TANK: variants seen among roughly 807,000 people sequenced by gnomAD.
The protein encoded by TANK is TRAF family member associated NFKB activator, also known as TRAF family member-associated NF-kappa-B activator.
In TANK, 15 loss-of-function variants were observed where a neutral mutation model predicts 43.6. The observed-to-expected ratio is 0.34, with a 90% confidence interval of 0.23 to 0.53. The LOEUF (loss-of-function observed/expected upper bound fraction) is 0.53, where lower values mean the gene tolerates loss of function less well. Among genes scored for constraint, TANK ranks in the 20% least tolerant of loss-of-function variants. TANK has a pLI of 0.94. For synonymous variants in TANK, 162 were observed against 178.2 expected (o/e 0.91, Z 0.73); for missense variants, 417 against 498.6 (o/e 0.84, Z 1.56).
chr2:161,157,670 G>A (rs1684261633), upstream of TANK, among the ~76,000 whole-genome samples: 1 of 152,126 alleles, frequency 6.6e-6, no homozygotes, highest in Admixed American at 6.5e-5. Context: ...AAATTATTAA[G>A]CAGTTTTAAA....
intron 1 of TANK, among the ~76,000 whole-genome samples, chr2:161,165,077 A>G (rs1243341672): frequency 2.1e-5 from 3 of 140,378 alleles, no homozygotes; most frequent in Admixed American, 1.5e-4. Context: ...GGAAGGGTCT[A>G]CTGAAAATAG....
chr2:161,228,770 G>T (rs1427095863), intron 6 of TANK, among the ~76,000 whole-genome samples: 2 of 152,056 alleles, frequency 1.3e-5, no homozygotes, highest in African/African-American at 4.8e-5. Flanking sequence ...CTCTATACAG[G>T]CATACCCATT....
intron 7 of TANK, among the ~76,000 whole-genome samples, chr2:161,233,412 A>G (rs974064540): frequency 1.3e-5 from 2 of 150,492 alleles, no homozygotes; most frequent in African/African-American, 4.9e-5. Context: ...AATAATAATA[A>G]TTTTTTTTTT....
chr2:161,140,274 A>G (rs1418423536), intron 1 of TANK, among the ~76,000 whole-genome samples: 1 of 152,096 alleles, frequency 6.6e-6, no homozygotes, highest in Non-Finnish European at 1.5e-5. Flanking sequence ...AAATGCTTAC[A>G]ATGTCTTCCA....
intron 6 of TANK, among the ~76,000 whole-genome samples, chr2:161,227,634 T>C (rs1244405659): frequency 6.6e-6 from 1 of 152,262 alleles, no homozygotes; most frequent in Non-Finnish European, 1.5e-5. Context: ...GCTATTAATG[T>C]TAATAGTCAT....
In TANK at chr2:161,231,558, G is replaced by A; in HGVS notation, c.1101+7G>A. 6.2e-7 allele frequency: 1 copy of A among 1,607,936 alleles called. No individual in the cohort carries two copies. The highest frequency in any genetic ancestry group is 1.7e-5 in the Admixed American group (1 of 59,994). ...AATCCGAGGACCACAGCAGGTAACT[G>A]TTTTGCATTAACAAATATATTATTA... is the stretch of plus-strand genomic sequence containing the variant. On this transcript the variant is annotated splice_region_variant and intron_variant, in intron 7 of 7. Transcript: ENST00000392749.
intron 4 of TANK, chr2:161,211,719 CTATCTTT>C (rs764667662): frequency 8.1e-4 from 791 of 981,242 alleles, no homozygotes; most frequent in Non-Finnish European, 9.3e-4. Context: ...TTAATCTTTT[CTATCTTT>C]TATCATACAG....
chr2:161,198,825 A>C (rs1398023620), intron 2 of TANK, among the ~76,000 whole-genome samples: 1 of 152,220 alleles, frequency 6.6e-6, no homozygotes, highest in Non-Finnish European at 1.5e-5. Context: ...AAAAGTAGAT[A>C]ATTAGATTGG....
intron 6 of TANK, among the ~76,000 whole-genome samples, chr2:161,227,829 C>A (rs1000437884): frequency 1.3e-5 from 2 of 152,286 alleles, no homozygotes; most frequent in Middle Eastern, 3.4e-3. Context: ...CCTAGACTTT[C>A]CTACCACTTT....
At chr2:161,190,290 A>C (rs928907088) in intron 2 of TANK, among the ~76,000 whole-genome samples, 1 of 152,208 alleles carries the variant, frequency 6.6e-6, no homozygotes, top group African/African-American at 2.4e-5. Flanking sequence ...CTGTTATTCA[A>C]AAAAGCAAAA....
chr2:161,228,542 A>G (rs1687748024), intron 6 of TANK, among the ~76,000 whole-genome samples: 1 of 152,274 alleles, frequency 6.6e-6, no homozygotes, highest in South Asian at 2.1e-4. Flanking sequence ...TCTCAAAAAA[A>G]AAAAAGTTAA....
chr2:161,142,100 T>C (rs1683765859), intron 1 of TANK, among the ~76,000 whole-genome samples: 1 of 152,346 alleles, frequency 6.6e-6, no homozygotes, highest in Non-Finnish European at 1.5e-5. Context: ...CTTTTTTCCA[T>C]ATGTTTGTTG....
intron 2 of TANK, among the ~76,000 whole-genome samples, chr2:161,181,001 T>C (rs554411609): frequency 2.0e-5 from 3 of 151,988 alleles, no homozygotes; most frequent in African/African-American, 7.2e-5. Flanking sequence ...GTAAATCTCA[T>C]TGTATAGTCT....
chr2:161,184,294 A>G (rs1438461729), intron 2 of TANK, among the ~76,000 whole-genome samples: 2 of 152,176 alleles, frequency 1.3e-5, no homozygotes, highest in Non-Finnish European at 2.9e-5. Context: ...GATAGATAGG[A>G]TACAGAACAA....
At chr2:161,230,923 T>A (rs1687879507) in intron 6 of TANK, 48 bp from the exon 7 acceptor site, 3 of 1,429,286 alleles carry the variant, frequency 2.1e-6, no homozygotes, top group East Asian at 2.3e-5. Flanking sequence ...CAGATTTTTT[T>A]AATGATTTGA....
chr2:161,212,664 C>T, intron 4 of TANK: 4 of 985,268 alleles, frequency 4.1e-6, no homozygotes, highest in Non-Finnish European at 4.8e-6. Context: ...CTCCTTATTT[C>T]CCCTATCATC....
intron 4 of TANK, chr2:161,212,315 C>T: frequency 1.1e-6 from 1 of 914,106 alleles, no homozygotes; most frequent in Non-Finnish European, 1.3e-6. Flanking sequence ...CCTGCCTCGG[C>T]CTCCCATAGT....
intron 6 of TANK, among the ~76,000 whole-genome samples, chr2:161,227,934 G>A (rs1479341816): frequency 6.6e-6 from 1 of 152,194 alleles, no homozygotes; most frequent in Non-Finnish European, 1.5e-5. Flanking sequence ...TAAGCTTGGT[G>A]ACAATTACTA....
intron 2 of TANK, among the ~76,000 whole-genome samples, chr2:161,187,853 A>G (rs752717772): frequency 6.6e-6 from 1 of 152,216 alleles, no homozygotes; most frequent in Non-Finnish European, 1.5e-5. Context: ...AAATCATGCT[A>G]AGTATATTTT....
Sources: gnomAD v4.1 joint callset for allele counts (sites outside exome capture counted in the v4.1 genomes callset) on GRCh38, gnomAD v4.1.1 for gene constraint, MANE v1.5 for transcripts, NCBI Gene and HGNC (gene_info 2026-07-23, HGNC 2026-07-21) for gene names.